The following QRFPR variants were observed in gnomAD, a reference collection of about 807,000 sequenced individuals.
The protein encoded by QRFPR is pyroglutamylated RFamide peptide receptor, also known as pyroglutamylated RF-amide peptide receptor.
In QRFPR, 37 loss-of-function variants were observed where a neutral mutation model predicts 31.3. The observed-to-expected ratio is 1.18, with a 90% CI of 0.91 to 1.56. The LOEUF is 1.56. Ranked by LOEUF, QRFPR falls within the 40% of genes most tolerant of loss-of-function variation. The probability of loss-of-function intolerance (pLI) is 0.00; values close to 1 mark genes in which losing one functional copy is unlikely to be tolerated. For synonymous variants in QRFPR, 197 were observed against 192.0 expected, an observed-to-expected ratio of 1.03 and a Z score of -0.22; for missense variants, 542 against 532.5, an observed-to-expected ratio of 1.02 and a Z score of -0.18.
At chr4:121,333,744 A>T (rs1049244187) in intron 3 of QRFPR, among the ~76,000 whole-genome samples, 23 of 152,234 alleles carry the variant, frequency 1.5e-4, no homozygotes, top group African/African-American at 5.3e-4. Flanking sequence ...AATAATAGAG[A>T]GTGCTTTAAG....
chr4:121,375,383 C>A (rs566055805), intron 1 of QRFPR, among the ~76,000 whole-genome samples: 2 of 152,152 alleles, frequency 1.3e-5, no homozygotes, highest in South Asian at 2.1e-4. Context: ...GCTTCCTCCC[C>A]CTTCTTAGTC....
chr4:121,375,001 A>G (rs1403717109), intron 1 of QRFPR, among the ~76,000 whole-genome samples: 1 of 152,100 alleles, frequency 6.6e-6, no homozygotes, highest in Non-Finnish European at 1.5e-5. Context: ...GCCGGAATCC[A>G]CAGCAGGATG....
chr4:121,334,984 C>G (rs1725403665), intron 3 of QRFPR, among the ~76,000 whole-genome samples: 1 of 152,116 alleles, frequency 6.6e-6, no homozygotes, highest in South Asian at 2.1e-4. Flanking sequence ...CTCAGGAAGT[C>G]TTTGCTTGTC....
At chr4:121,332,181 G>A (rs1390447141) in intron 4 of QRFPR, among the ~76,000 whole-genome samples, 1 of 151,798 alleles carries the variant, frequency 6.6e-6, no homozygotes, top group African/African-American at 2.4e-5. Context: ...TTTTTGCTTT[G>A]TTTCTAATAG....
At chr4:121,361,828 A>T (rs1725998971) in intron 1 of QRFPR, among the ~76,000 whole-genome samples, 1 of 150,234 alleles carries the variant, frequency 6.7e-6, no homozygotes, top group Non-Finnish European at 1.5e-5. Context: ...ACCTAATGAC[A>T]TGTAGTGCTG....
chr4:121,379,608 C>T (rs888822920), intron 1 of QRFPR, among the ~76,000 whole-genome samples: 3 of 152,180 alleles, frequency 2.0e-5, no homozygotes, highest in Admixed American at 6.5e-5. Flanking sequence ...CTCCACCTCT[C>T]CTCTGTCATT....
At chr4:121,353,225 G>A (rs555968701) in intron 1 of QRFPR, among the ~76,000 whole-genome samples, 56 of 152,164 alleles carry the variant, frequency 3.7e-4, no homozygotes, top group African/African-American at 1.2e-3. Context: ...TCTTTTGGAT[G>A]TATACTCAGC....
intron 1 of QRFPR, among the ~76,000 whole-genome samples, chr4:121,365,896 T>C (rs1365032375): frequency 2.7e-5 from 4 of 146,418 alleles, no homozygotes; most frequent in African/African-American, 1.0e-4. Flanking sequence ...AATACAGACT[T>C]CTATGAATAT....
Position 121,345,673 on chromosome 4 carries a change from T to C in QRFPR, c.341-5063A>G, listed in dbSNP as rs78018323. On this transcript the variant is annotated intron_variant, in intron 1 of 5. Coordinates refer to ENST00000394427, the MANE Select transcript of QRFPR (RefSeq NM_198179.3). ...ATTTTGCCTACTGGATTAGGAACAATTGCTTTGGTTTAATATCTACTGCCT... is the reference window on the plus strand; with the variant it reads ...ATTTTGCCTACTGGATTAGGAACAACTGCTTTGGTTTAATATCTACTGCCT... 3.3e-3 allele frequency among the ~76,000 whole-genome samples: 500 copies of C among 152,274 alleles called. 31 individuals are homozygous for C. In the East Asian group the frequency reaches 0.073, roughly 22 times the overall value.
At chr4:121,336,705 A>G in intron 3 of QRFPR, 102 bp downstream of exon 3, 1 of 890,222 alleles carries the variant, frequency 1.1e-6, no homozygotes, top group Non-Finnish European at 1.9e-6. Flanking sequence ...CTGAGGTCAT[A>G]CAAATTTGCT....
intron 1 of QRFPR, among the ~76,000 whole-genome samples, chr4:121,368,966 C>G (rs1044392652): frequency 6.6e-5 from 10 of 151,572 alleles, no homozygotes; most frequent in Admixed American, 6.6e-5. Context: ...AGCTTTGTAT[C>G]AATATTTCTC....
In QRFPR at chr4:121,365,605, A is replaced by AT. The variant is rs1560744099; in HGVS notation, c.340+14702dup. 4.4e-3 allele frequency among the ~76,000 whole-genome samples: 21 copies of AT among 4,766 alleles called. 5 individuals are homozygous for AT. Among genetic ancestry groups the AT allele is most frequent in the African/African-American group, 0.013 (13 of 1,002 alleles). The allele number at this position is 4,766 out of a possible 152,430, so 3.1% of individuals were successfully genotyped here. A position where few individuals can be genotyped will look rare whatever the true frequency, so the allele number is the denominator to read the frequency against. On this transcript the variant is annotated intron_variant, in intron 1 of 5. Transcript: ENST00000394427. The stretch of plus-strand genomic sequence containing the variant: ...ATTATATATATTATATATATATAAT[A>AT]TATATATTATATATATTATATATTA...
intron 1 of QRFPR, among the ~76,000 whole-genome samples, chr4:121,356,374 G>A (rs1463185538): frequency 1.3e-5 from 2 of 152,184 alleles, no homozygotes; most frequent in East Asian, 3.9e-4. Flanking sequence ...TGAATTCCCT[G>A]TCTGAAAGGT....
At position 121,378,634 on chromosome 4, in the gene QRFPR, A is replaced by G. The variant is rs563353592; in HGVS notation, c.340+1674T>C. Among the ~76,000 whole-genome samples the G allele has an allele frequency of 2.9e-3, 436 of 152,128 alleles. 1 individual carries two copies. Among genetic ancestry groups the G allele is most frequent in the South Asian group, 3.5e-3 (17 of 4,816 alleles). Reference sequence around the variant, plus strand: ...GAGACGGGGTTTCACCGTGTTAGCCAGAATGGTCTCGATCTCATGACCTCG... The same window carrying G: ...GAGACGGGGTTTCACCGTGTTAGCCGGAATGGTCTCGATCTCATGACCTCG... On this transcript the variant is annotated intron_variant, in intron 1 of 5. Transcript: ENST00000394427.
At chr4:121,340,213 C>T (rs3822228) in intron 2 of QRFPR, 164,144 of 468,754 alleles carry the variant, frequency 0.35, 30,388 homozygotes, top group Middle Eastern at 0.49. Context: ...AGTGCTTAAA[C>T]GTTTAAGATG....
intron 3 of QRFPR, among the ~76,000 whole-genome samples, chr4:121,333,360 A>G (rs1725372343): frequency 6.6e-6 from 1 of 152,186 alleles, no homozygotes; most frequent in Non-Finnish European, 1.5e-5. Context: ...CAAGTTTTCA[A>G]TCGACTGAAA....
In QRFPR at chr4:121,380,914, A is replaced by C; in HGVS notation, c.-267T>G. 4.3e-6 allele frequency: 2 copies of C among 470,492 alleles called. No homozygotes were observed. The highest frequency in any genetic ancestry group is 7.5e-6 in the Non-Finnish European group (2 of 267,258). The allele number at this position is 470,492 out of a possible 1,614,324, so 29.1% of individuals were successfully genotyped here. ...CCAAAAAATGTTCGCGGTTCAAATA[A>C]AGTTCTTCCCTTGCTCTTCCCTAAG... On this transcript the variant is annotated 5_prime_UTR_variant, in exon 1 of 6. Coordinates refer to ENST00000394427, the MANE Select transcript of QRFPR (RefSeq NM_198179.3).
intron 5 of QRFPR, 87 bp from the exon 6 acceptor site, chr4:121,329,801 C>A: frequency 1.0e-6 from 1 of 987,692 alleles, no homozygotes; most frequent in Non-Finnish European, 1.4e-6. Context: ...AAGACTTAAA[C>A]TTGTACAAGT....
At chr4:121,331,543 G>A (rs1413450754) in intron 4 of QRFPR, among the ~76,000 whole-genome samples, 2 of 137,986 alleles carry the variant, frequency 1.4e-5, no homozygotes, top group Admixed American at 1.4e-4. Context: ...CATGACTTCT[G>A]TAAAGAGGAT....
Sources: gnomAD v4.1 joint callset for allele counts (sites outside exome capture counted in the v4.1 genomes callset) on GRCh38, gnomAD v4.1.1 for gene constraint, MANE v1.5 for transcripts, NCBI Gene and HGNC (gene_info 2026-07-23, HGNC 2026-07-21) for gene names.